Variants in PTAR1 observed in about 807,000 individuals in gnomAD.
PTAR1 encodes protein prenyltransferase alpha subunit repeat-containing protein 1.
Under a neutral mutation model 45.5 loss-of-function variants are expected in PTAR1, and 17 were observed. That is an observed-to-expected ratio of 0.37 (90% CI 0.26 to 0.56). The LOEUF (loss-of-function observed/expected upper bound fraction) is 0.56. PTAR1 is among the 20% of genes least tolerant of loss of function. PTAR1 has a pLI of 0.77. For synonymous variants in PTAR1, 169 were observed against 171.3 expected, an observed-to-expected ratio of 0.99 and a Z score of 0.11; for missense variants, 391 against 476.3, an observed-to-expected ratio of 0.82 and a Z score of 1.67.
chr9:69,742,347 A>G (rs1826079842), intron 2 of PTAR1, among the ~76,000 whole-genome samples: 1 of 152,164 alleles, frequency 6.6e-6, no homozygotes, highest in African/African-American at 2.4e-5. Context: ...ACATAGGTAT[A>G]GCAATGATAA....
intron 6 of PTAR1, among the ~76,000 whole-genome samples, chr9:69,722,938 T>A (rs12555531): frequency 0.015 from 648 of 43,020 alleles, 1 homozygote; most frequent in Non-Finnish European, 0.021. Context: ...AAACTCTATC[T>A]CAAAAAAAAA....
Position 69,718,234 on chromosome 9 carries a change from G to A in PTAR1, c.*108C>T. On this transcript the variant is annotated 3_prime_UTR_variant, in exon 8 of 8. Coordinates refer to ENST00000340434, the MANE Select transcript of PTAR1 (RefSeq NM_001099666.2). ...TATGGACTTTCAACCTAAAGACGAAGAACATATGGTTAGCCAATAATAGTA... is the reference window on the plus strand; with the variant it reads ...TATGGACTTTCAACCTAAAGACGAAAAACATATGGTTAGCCAATAATAGTA... 1 of 709,908 alleles carries A rather than the reference G, an allele frequency of 1.4e-6. No homozygotes were observed. Among genetic ancestry groups the A allele is most frequent in the Non-Finnish European group, 2.2e-6 (1 of 445,938 alleles). The allele number at this position is 709,908 out of a possible 1,614,324, so 44.0% of individuals were successfully genotyped here.
chr9:69,731,339 C>G (rs1012636082), intron 5 of PTAR1, among the ~76,000 whole-genome samples: 27 of 152,120 alleles, frequency 1.8e-4, no homozygotes, highest in Admixed American at 1.8e-3. Flanking sequence ...TGTCTCAAGC[C>G]TGAGAAGCTT....
At position 69,713,359 on chromosome 9, in the gene PTAR1, A is replaced by AAT. The variant is rs1824598811; in HGVS notation, c.*4981_*4982dup. On this transcript the variant is annotated 3_prime_UTR_variant, in exon 8 of 8. Coordinates refer to ENST00000340434, the MANE Select transcript of PTAR1 (RefSeq NM_001099666.2). ...ACATGGCATATTGCTGCCCTTTAGG[A>AAT]ATATATTATTCAACAGTTCTCTGTA... 1 of 152,120 alleles carries AAT rather than the reference A, an allele frequency of 6.6e-6. No individual in the cohort carries two copies. Among genetic ancestry groups the AAT allele is most frequent in the Non-Finnish European group, 1.5e-5 (1 of 68,006 alleles). The allele number at this position is 152,120 out of a possible 1,614,324, so 9.4% of individuals were successfully genotyped here. A position where few individuals can be genotyped will look rare whatever the true frequency, so the allele number is the denominator to read the frequency against.
In PTAR1 at chr9:69,710,358, AT is replaced by A. The variant is rs1483164587; in HGVS notation, c.*7983del. 6.6e-6 allele frequency: 1 copy of A among 152,162 alleles called. No homozygotes were observed. Among genetic ancestry groups the A allele is most frequent in the East Asian group, 1.9e-4 (1 of 5,198 alleles). The allele number at this position is 152,162 out of a possible 1,614,324, so 9.4% of individuals were successfully genotyped here. On this transcript the variant is annotated 3_prime_UTR_variant, in exon 8 of 8. Coordinates refer to ENST00000340434, the MANE Select transcript of PTAR1 (RefSeq NM_001099666.2). Reference sequence around the variant, plus strand: ...AATATACTGGGTTACATAAACTGTTATTAAAATTAATTTTGCTTGTTTCTTT... The same window carrying A: ...AATATACTGGGTTACATAAACTGTTATAAAATTAATTTTGCTTGTTTCTTT...
chr9:69,758,870 A>T lies in PTAR1; in HGVS notation c.86+983T>A, dbSNP rs1001850609. Among the ~76,000 whole-genome samples the T allele has an allele frequency of 5.8e-3, 876 of 151,166 alleles. 10 individuals are homozygous for T. Among genetic ancestry groups the T allele is most frequent in the African/African-American group, 0.018 (744 of 41,298 alleles). On this transcript the variant is annotated intron_variant, in intron 1 of 7. Coordinates refer to ENST00000340434, the MANE Select transcript of PTAR1 (RefSeq NM_001099666.2). ...AAAAAATAATAAACTAAAAAAAAAA[A>T]AAATAAACTCCAAAAACAACTAGCT...
intron 1 of PTAR1, among the ~76,000 whole-genome samples, chr9:69,759,354 G>A (rs1826964811): frequency 6.6e-6 from 1 of 152,166 alleles, no homozygotes; most frequent in African/African-American, 2.4e-5. Flanking sequence ...GGCAAGTAAG[G>A]CTAAAGTCAA....
intron 3 of PTAR1, among the ~76,000 whole-genome samples, chr9:69,735,255 G>C (rs1825733069): frequency 6.6e-6 from 1 of 152,116 alleles, no homozygotes; most frequent in African/African-American, 2.4e-5. Flanking sequence ...GCTTGGTTCA[G>C]GACCTCCCAA....
intron 5 of PTAR1, among the ~76,000 whole-genome samples, chr9:69,727,056 TAC>T (rs887657676): frequency 1.4e-5 from 2 of 142,546 alleles, no homozygotes; most frequent in Admixed American, 7.1e-5. Context: ...CACACACGTA[TAC>T]ACACACATAT....
At chr9:69,745,826 CA>C (rs1261709771) in intron 2 of PTAR1, among the ~76,000 whole-genome samples, 1 of 152,224 alleles carries the variant, frequency 6.6e-6, no homozygotes, top group African/African-American at 2.4e-5. Flanking sequence ...CTCTGACATA[CA>C]GTAAGGACTG....
In PTAR1 at chr9:69,712,400, C is replaced by G. The variant is rs1824557218; in HGVS notation, c.*5942G>C. 1.3e-5 allele frequency: 2 copies of G among 152,148 alleles called. No individual in the cohort carries two copies. Among genetic ancestry groups the G allele is most frequent in the African/African-American group, 4.8e-5 (2 of 41,454 alleles). 9.4% of individuals were successfully genotyped at this position (152,148 alleles called of 1,614,324 possible). A position where few individuals can be genotyped will look rare whatever the true frequency, so the allele number is the denominator to read the frequency against. On this transcript the variant is annotated 3_prime_UTR_variant, in exon 8 of 8. Transcript: ENST00000340434. Reference sequence around the variant, plus strand: ...CTGCTTTAAGTAGGAGCACTTTTAGCATACACAAAAATAAAAATCCTTTGT... The same window carrying G: ...CTGCTTTAAGTAGGAGCACTTTTAGGATACACAAAAATAAAAATCCTTTGT...
intron 3 of PTAR1, among the ~76,000 whole-genome samples, chr9:69,738,220 G>A (rs1825879098): frequency 6.6e-6 from 1 of 152,156 alleles, no homozygotes; most frequent in Non-Finnish European, 1.5e-5. Context: ...TTCTGGAGAG[G>A]AAGACCAAAG....
At chr9:69,740,674 C>T in intron 3 of PTAR1, among the ~76,000 whole-genome samples, 1 of 147,486 alleles carries the variant, frequency 6.8e-6, no homozygotes, top group South Asian at 2.1e-4. Flanking sequence ...AAAAAAAAGA[C>T]ATGGTCCCTG....
chr9:69,754,144 C>A (rs1826655626), intron 1 of PTAR1, among the ~76,000 whole-genome samples: 1 of 152,190 alleles, frequency 6.6e-6, no homozygotes, highest in Non-Finnish European at 1.5e-5. Context: ...TGTGTCTCAT[C>A]CCTTAAGTCA....
chr9:69,710,963 C>G lies in PTAR1; in HGVS notation c.*7379G>C, dbSNP rs1453809742. The G allele has an allele frequency of 1.3e-5, 2 of 152,078 alleles. No homozygotes were observed. Among genetic ancestry groups the G allele is most frequent in the Non-Finnish European group, 2.9e-5 (2 of 68,012 alleles). 9.4% of individuals were successfully genotyped at this position (152,078 alleles called of 1,614,324 possible). A position where few individuals can be genotyped will look rare whatever the true frequency, so the allele number is the denominator to read the frequency against. On this transcript the variant is annotated 3_prime_UTR_variant, in exon 8 of 8. Transcript: ENST00000340434. ...AATGGCAGAATATAGTAGCTGAGAA[C>G]TTCTTTTAAATGAAAGCTCCTCCAT...
intron 3 of PTAR1, 138 bp from the exon 4 acceptor site, chr9:69,734,392 A>T (rs1016937417): frequency 2.1e-6 from 1 of 470,182 alleles, no homozygotes; most frequent in East Asian, 3.1e-5. Context: ...GAAAGAAAAA[A>T]AGCCCAAGCC....
intron 1 of PTAR1, among the ~76,000 whole-genome samples, chr9:69,754,720 ATAT>A (rs1189683544): frequency 0.022 from 592 of 26,614 alleles, 7 homozygotes; most frequent in African/African-American, 0.039. Flanking sequence ...ATATATATAT[ATAT>A]TTTTTTTTTT....
Position 69,733,680 on chromosome 9 carries a change from A to G in PTAR1, c.428+470T>C, listed in dbSNP as rs578171241. On this transcript the variant is annotated intron_variant, in intron 4 of 7. Coordinates refer to ENST00000340434, the MANE Select transcript of PTAR1 (RefSeq NM_001099666.2). The stretch of plus-strand genomic sequence containing the variant: ...TTCAGCTGCCCTCAGCTTTCTCTGT[A>G]AGTTAATTTTAATAACCACAACCAT... Among the ~76,000 whole-genome samples, 4 of 152,282 alleles carry G rather than the reference A, an allele frequency of 2.6e-5. No individual in the cohort carries two copies. In the South Asian group the frequency reaches 6.2e-4, roughly 24 times the overall value.
At chr9:69,759,782 C>T (rs564470075) in intron 1 of PTAR1, 71 bp downstream of exon 1, 1 of 1,407,116 alleles carries the variant, frequency 7.1e-7, no homozygotes, top group Non-Finnish European at 9.4e-7. Context: ...CGCCCGAGGT[C>T]GGGTGGACGC....
Sources: gnomAD v4.1 joint callset for allele counts (sites outside exome capture counted in the v4.1 genomes callset) on GRCh38, gnomAD v4.1.1 for gene constraint, MANE v1.5 for transcripts, NCBI Gene and HGNC (gene_info 2026-07-23, HGNC 2026-07-21) for gene names.